Variants in SH3PXD2B observed in about 807,000 individuals in gnomAD.
The protein encoded by SH3PXD2B is SH3 and PX domain-containing protein 2B.
SH3PXD2B carries 37 observed loss-of-function variants against 73.1 expected under a neutral mutation model. That is an observed-to-expected ratio of 0.51 (90% CI 0.39 to 0.67). The LOEUF is 0.67. Among genes scored for constraint, SH3PXD2B ranks in the 30% least tolerant of loss-of-function variants. The pLI is 0.00. For synonymous variants in SH3PXD2B, 457 were observed against 480.5 expected, an observed-to-expected ratio of 0.95 and a Z score of 0.64; for missense variants, 1,053 against 1,197.8, an observed-to-expected ratio of 0.88 and a Z score of 1.78.
intron 2 of SH3PXD2B, among the ~76,000 whole-genome samples, chr5:172,412,425 G>T (rs556841558): frequency 1.3e-5 from 2 of 152,148 alleles, no homozygotes; most frequent in African/African-American, 4.8e-5. Context: ...CTCATGTGAC[G>T]AGCAGCTGCC....
In SH3PXD2B at chr5:172,421,360, C is replaced by A. The variant is rs1483908148; in HGVS notation, c.156+1056G>T. On this transcript the variant is annotated intron_variant, in intron 2 of 12. Coordinates refer to ENST00000311601, the MANE Select transcript of SH3PXD2B (RefSeq NM_001017995.3). This position sits in a 1 kb window ranked among gnomAD's most constrained non-coding sequence, Gnocchi z 4.0. Reference sequence around the variant, plus strand: ...ACCGAGCTGTTCACATTCTGCCTGGCTCCCTATAAGACTGGTAGTATACAT... The same window carrying A: ...ACCGAGCTGTTCACATTCTGCCTGGATCCCTATAAGACTGGTAGTATACAT... 1.3e-5 allele frequency among the ~76,000 whole-genome samples: 2 copies of A among 152,234 alleles called. No individual in the cohort carries two copies. Among genetic ancestry groups the A allele is most frequent in the Non-Finnish European group, 2.9e-5 (2 of 68,048 alleles).
chr5:172,342,630 A>G (rs1441795715), intron 12 of SH3PXD2B, among the ~76,000 whole-genome samples: 2 of 152,204 alleles, frequency 1.3e-5, no homozygotes, highest in Admixed American at 6.5e-5. Flanking sequence ...GTGTGGTGGC[A>G]TGCGCCTGTA....
chr5:172,346,268 C>T lies in SH3PXD2B; in HGVS notation c.1063-7G>A, dbSNP rs186443822. On this transcript the variant is annotated splice_polypyrimidine_tract_variant and splice_region_variant and intron_variant, in intron 11 of 12. Coordinates refer to ENST00000311601, the MANE Select transcript of SH3PXD2B (RefSeq NM_001017995.3). ...GCAGGTTGAGGCCTCGAGGCTGGTA[C>T]GATCACACACAGGGTTATCTCCAAG... 5.6e-6 allele frequency: 9 copies of T among 1,613,372 alleles called. No homozygotes were observed. The highest frequency in any genetic ancestry group is 2.7e-5 in the African/African-American group (2 of 74,912).
intron 4 of SH3PXD2B, among the ~76,000 whole-genome samples, chr5:172,390,905 G>A (rs10053489): frequency 0.42 from 63,675 of 150,058 alleles, 14,577 homozygotes; most frequent in East Asian, 0.66. Flanking sequence ...GCAATGACAC[G>A]ATCTCGGCTC....
chr5:172,424,051 G>T (rs868762978), intron 1 of SH3PXD2B, among the ~76,000 whole-genome samples: 4 of 152,086 alleles, frequency 2.6e-5, no homozygotes, highest in Admixed American at 1.3e-4. Context: ...CACTGGGGGT[G>T]GGGGGGAGCC....
intron 12 of SH3PXD2B, among the ~76,000 whole-genome samples, chr5:172,342,411 A>T (rs1252870641): frequency 1.3e-5 from 2 of 152,116 alleles, no homozygotes; most frequent in African/African-American, 4.8e-5. Flanking sequence ...CGTCGATCGG[A>T]GGAGAGTCAA....
downstream of SH3PXD2B, among the ~76,000 whole-genome samples, chr5:172,329,083 A>ATTTTTTTTTTTTTTTTTTT (rs1164155218): frequency 4.9e-5 from 3 of 61,812 alleles, no homozygotes; most frequent in African/African-American, 2.3e-4. Flanking sequence ...ATATATATAT[A>ATTTTTTTTTTTTTTTTTTT]TTTTTTTTTT....
At chr5:172,373,289 A>T (rs546124551) in intron 6 of SH3PXD2B, among the ~76,000 whole-genome samples, 1 of 152,292 alleles carries the variant, frequency 6.6e-6, no homozygotes, top group Non-Finnish European at 1.5e-5. Flanking sequence ...CATTCTATGG[A>T]AACCTTCTGA....
chr5:172,384,093 C>T (rs1255118090), intron 4 of SH3PXD2B, among the ~76,000 whole-genome samples: 2 of 152,134 alleles, frequency 1.3e-5, no homozygotes, highest in African/African-American at 4.8e-5. Flanking sequence ...GATCCACCCA[C>T]CTCGGCTCCC....
intron 6 of SH3PXD2B, among the ~76,000 whole-genome samples, chr5:172,370,403 T>C (rs1408866311): frequency 1.3e-5 from 2 of 152,112 alleles, no homozygotes; most frequent in African/African-American, 2.4e-5. Flanking sequence ...AGTGTGCCAA[T>C]GGGATTTGGC....
chr5:172,439,238 G>GAAA (rs922645535), intron 1 of SH3PXD2B, among the ~76,000 whole-genome samples: 2 of 33,204 alleles, frequency 6.0e-5, no homozygotes, highest in Non-Finnish European at 1.3e-4. Context: ...AGAAAAAACA[G>GAAA]AAAAAAAAAA....
chr5:172,414,289 CA>C (rs967366979), intron 2 of SH3PXD2B, among the ~76,000 whole-genome samples: 2 of 151,634 alleles, frequency 1.3e-5, no homozygotes, highest in Non-Finnish European at 2.9e-5. Context: ...ACCAACACGG[CA>C]AAACCCCATC....
At position 172,393,802 on chromosome 5, in the gene SH3PXD2B, T is replaced by C. The variant is rs138568055; in HGVS notation, c.309+761A>G. Among the ~76,000 whole-genome samples the C allele has an allele frequency of 1.3e-3, 205 of 152,318 alleles. 1 individual carries two copies. Among genetic ancestry groups the C allele is most frequent in the African/African-American group, 4.8e-3 (201 of 41,564 alleles). ...CTATAGCCTCAAGTCAAATGAAATA[T>C]AACCAAAAGGCAGGTCTCTTGTTGT... On this transcript the variant is annotated intron_variant, in intron 4 of 12. Coordinates refer to ENST00000311601, the MANE Select transcript of SH3PXD2B (RefSeq NM_001017995.3).
chr5:172,333,927 G>C lies in SH3PXD2B; in HGVS notation c.*4442C>G, dbSNP rs570358703. 1.2e-4 allele frequency: 145 copies of C among 1,249,920 alleles called. No homozygotes were observed. In the South Asian group the frequency reaches 1.8e-3, roughly 16 times the overall value. 77.4% of individuals were successfully genotyped at this position (1,249,920 alleles called of 1,614,324 possible). A position where few individuals can be genotyped will look rare whatever the true frequency, so the allele number is the denominator to read the frequency against. On this transcript the variant is annotated 3_prime_UTR_variant, in exon 13 of 13. Transcript: ENST00000311601. ...CAAAGGCATACATGGGCACACACTG[G>C]GGTAAAATGTGGACACCATCGTTGC... is the stretch of plus-strand genomic sequence containing the variant.
At chr5:172,343,077 C>T (rs1400738751) in intron 12 of SH3PXD2B, among the ~76,000 whole-genome samples, 2 of 152,242 alleles carry the variant, frequency 1.3e-5, no homozygotes, top group African/African-American at 2.4e-5. Context: ...TACAACAGCA[C>T]TTGGTAAATA....
intron 3 of SH3PXD2B, among the ~76,000 whole-genome samples, chr5:172,398,215 C>T (rs776522990): frequency 1.3e-5 from 2 of 152,212 alleles, no homozygotes; most frequent in African/African-American, 4.8e-5. Context: ...AACCGGCATG[C>T]CTGCCCATGC....
downstream of SH3PXD2B, among the ~76,000 whole-genome samples, chr5:172,329,540 C>CTTTTTTTTTTTTTTTTTTTTTTTTTTTTT (rs370876232): frequency 3.4e-4 from 36 of 106,438 alleles, 5 homozygotes; most frequent in East Asian, 1.2e-3. Flanking sequence ...CTTTGTTATT[C>CTTTTTTTTTTTTTTTTTTTTTTTTTTTTT]TTTTTTTTTT....
chr5:172,341,665 T>C (rs1581260752), intron 12 of SH3PXD2B, among the ~76,000 whole-genome samples: 1 of 152,330 alleles, frequency 6.6e-6, no homozygotes, highest in South Asian at 2.1e-4. Context: ...TTATTTATTT[T>C]TTTGAGACAG....
At chr5:172,368,553 ATTATATATATATAAAATATG>A (rs1757602528) in intron 6 of SH3PXD2B, among the ~76,000 whole-genome samples, 3 of 14,770 alleles carry the variant, frequency 2.0e-4, no homozygotes, top group Non-Finnish European at 1.9e-4. Context: ...ATATATATAT[ATTATATATATATAAAATATG>A]TTATATATAT....
Sources: gnomAD v4.1 joint callset for allele counts (sites outside exome capture counted in the v4.1 genomes callset) on GRCh38, gnomAD v4.1.1 for gene constraint, Gnocchi (gnomAD v3.1) non-coding constraint, MANE v1.5 for transcripts, NCBI Gene and HGNC (gene_info 2026-07-23, HGNC 2026-07-21) for gene names.